The following RABEP1 variants were observed in gnomAD, a reference collection of about 807,000 sequenced individuals.
RABEP1 encodes the protein rab GTPase-binding effector protein 1.
RABEP1 carries 51 observed loss-of-function variants against 123.4 expected under a neutral mutation model. The ratio of observed to expected loss-of-function variants is 0.41; its 90% CI spans 0.33 to 0.52. The LOEUF (loss-of-function observed/expected upper bound fraction) is 0.52, where lower values mean the gene tolerates loss of function less well. Among genes scored for constraint, RABEP1 ranks in the 20% least tolerant of loss-of-function variants. The pLI is 0.16. For synonymous variants in RABEP1, 347 were observed against 355.2 expected, an observed-to-expected ratio of 0.98 and a Z score of 0.26; for missense variants, 888 against 996.3, an observed-to-expected ratio of 0.89 and a Z score of 1.46.
rs967561608 is a variant in RABEP1 at position 5,385,091 on chromosome 17, G to A, written c.*1868G>A. The A allele has an allele frequency of 4.4e-6, 1 of 229,426 alleles. No homozygotes were observed. The highest frequency in any genetic ancestry group is 2.2e-5 in the African/African-American group (1 of 45,152). 14.2% of individuals were successfully genotyped at this position (229,426 alleles called of 1,614,324 possible). A position where few individuals can be genotyped will look rare whatever the true frequency, so the allele number is the denominator to read the frequency against. ...CTGGGTAATAAAATCATCACAATTA[G>A]GGAATGGTTAGTGGTCTCTACTGTG... On this transcript the variant is annotated 3_prime_UTR_variant, in exon 18 of 18. Transcript: ENST00000537505.
chr17:5,338,253 A>G, intron 5 of RABEP1, 115 bp downstream of exon 5: 5 of 1,306,046 alleles, frequency 3.8e-6, no homozygotes, highest in Non-Finnish European at 5.1e-6. Context: ...ATGCATCTTA[A>G]GAATCTTTCT....
intron 2 of RABEP1, among the ~76,000 whole-genome samples, chr17:5,313,998 T>C (rs2075270031): frequency 6.6e-6 from 1 of 152,176 alleles, no homozygotes; most frequent in Admixed American, 6.5e-5. Flanking sequence ...GTTTACAGTA[T>C]AAACCAGGAT....
intron 10 of RABEP1, 108 bp downstream of exon 10, chr17:5,363,124 T>C: frequency 1.3e-6 from 1 of 781,786 alleles, no homozygotes; most frequent in Non-Finnish European, 2.2e-6. Context: ...ATGAAGCATA[T>C]CCATCTTGTT....
intron 1 of RABEP1, among the ~76,000 whole-genome samples, chr17:5,303,458 T>C (rs912928712): frequency 2.0e-5 from 3 of 152,084 alleles, no homozygotes; most frequent in Non-Finnish European, 4.4e-5. Context: ...ACCAGGTTGG[T>C]CTTGAACTCC....
chr17:5,353,732 C>G (rs991929341), intron 7 of RABEP1, among the ~76,000 whole-genome samples: 1 of 152,022 alleles, frequency 6.6e-6, no homozygotes, highest in Non-Finnish European at 1.5e-5. Context: ...GCCTGTGATC[C>G]CGGCTACACG....
intron 1 of RABEP1, among the ~76,000 whole-genome samples, chr17:5,302,568 T>C (rs2075145405): frequency 6.6e-6 from 1 of 150,914 alleles, no homozygotes; most frequent in Admixed American, 6.6e-5. Context: ...AAAGTTACCT[T>C]ATAAGCTTTT....
At chr17:5,283,370 A>T (rs1309193867) in intron 1 of RABEP1, among the ~76,000 whole-genome samples, 1 of 151,928 alleles carries the variant, frequency 6.6e-6, no homozygotes, top group Non-Finnish European at 1.5e-5. Flanking sequence ...AAAGGGCCCC[A>T]TCCTAAATAA....
chr17:5,368,617 C>T lies in RABEP1; in HGVS notation c.1884+149C>T, dbSNP rs185840710. ...GGGACTGTAGAACATTAATAATGGACAAAATATTGTAAAGACATTATTCCT... is the reference window on the plus strand; with the variant it reads ...GGGACTGTAGAACATTAATAATGGATAAAATATTGTAAAGACATTATTCCT... On this transcript the variant is annotated intron_variant, in intron 12 of 17. Transcript: ENST00000537505. 3 of 564,912 alleles carry T rather than the reference C, an allele frequency of 5.3e-6. No individual in the cohort carries two copies. The East Asian group carries it at 8.7e-5, about 16-fold the overall frequency. 35.0% of individuals were successfully genotyped at this position (564,912 alleles called of 1,614,324 possible).
At chr17:5,349,175 T>C (rs1908314474) in intron 6 of RABEP1, among the ~76,000 whole-genome samples, 2 of 152,234 alleles carry the variant, frequency 1.3e-5, no homozygotes, top group African/African-American at 4.8e-5. Flanking sequence ...TGAAGGGTTT[T>C]AGACTGGAGA....
At position 5,383,255 on chromosome 17, in the gene RABEP1, T is replaced by A. The variant is rs960493098; in HGVS notation, c.*32T>A. ...CATGGCAGGATTCTAGCCTGCACTT[T>A]GGGTTTTTAACTCATCTTTAGAGCA... On this transcript the variant is annotated 3_prime_UTR_variant, in exon 18 of 18. Transcript: ENST00000537505. 1.9e-6 allele frequency: 3 copies of A among 1,574,512 alleles called. No homozygotes were observed. Among genetic ancestry groups the A allele is most frequent in the Non-Finnish European group, 2.6e-6 (3 of 1,144,332 alleles).
intron 2 of RABEP1, among the ~76,000 whole-genome samples, chr17:5,325,750 A>G (rs969355832): frequency 6.6e-6 from 1 of 152,100 alleles, no homozygotes; most frequent in South Asian, 2.1e-4. Flanking sequence ...ATTTAGGGTG[A>G]TAGATACCCG....
chr17:5,320,421 C>CAAAAAAAA (rs60202531), intron 2 of RABEP1, among the ~76,000 whole-genome samples: 90 of 84,606 alleles, frequency 1.1e-3, no homozygotes, highest in African/African-American at 1.5e-3. Flanking sequence ...GCTAACACAC[C>CAAAAAAAA]AAAAAAAAAA....
At chr17:5,360,561 C>G (rs1909424301) in intron 8 of RABEP1, among the ~76,000 whole-genome samples, 1 of 152,192 alleles carries the variant, frequency 6.6e-6, no homozygotes. Flanking sequence ...GACTCCGTCT[C>G]AGAAAAAAAG....
chr17:5,297,577 A>G (rs946866222), intron 1 of RABEP1, among the ~76,000 whole-genome samples: 13 of 152,184 alleles, frequency 8.5e-5, no homozygotes, highest in African/African-American at 2.7e-4. Flanking sequence ...GCTTAATCTT[A>G]GAATGTTTCT....
intron 1 of RABEP1, among the ~76,000 whole-genome samples, chr17:5,290,301 G>A (rs1050036654): frequency 2.6e-5 from 4 of 152,164 alleles, no homozygotes. Context: ...TGTTAGCCAG[G>A]ATGGTCTCGC....
intron 2 of RABEP1, among the ~76,000 whole-genome samples, chr17:5,309,575 C>T (rs1448236526): frequency 2.6e-5 from 4 of 151,690 alleles, no homozygotes; most frequent in Non-Finnish European, 5.9e-5. Context: ...ATTGCTTGAA[C>T]CCAGGAGGCA....
In RABEP1 at chr17:5,375,408, G is replaced by A. The variant is rs118001224; in HGVS notation, c.2026-1708G>A. Among the ~76,000 whole-genome samples the A allele has an allele frequency of 6.8e-3, 1,028 of 152,122 alleles. 9 individuals carry two copies. The highest frequency in any genetic ancestry group is 0.031 in the Middle Eastern group (9 of 294). ...CTGCTGTCATCAAAAGAAGGTATCG[G>A]GGGCAGGGTATGGTGGCTGAGGCCT... On this transcript the variant is annotated intron_variant, in intron 13 of 17. Transcript: ENST00000537505.
At chr17:5,358,748 G>C (rs542445494) in intron 8 of RABEP1, among the ~76,000 whole-genome samples, 1 of 152,054 alleles carries the variant, frequency 6.6e-6, no homozygotes, top group East Asian at 1.9e-4. Context: ...GTAGTCTGAT[G>C]TGGGGTCTTT....
chr17:5,373,357 T>G lies in RABEP1; in HGVS notation c.1928T>G (p.Val643Gly). 6.2e-7 allele frequency: 1 copy of G among 1,613,058 alleles called. No homozygotes were observed. Among genetic ancestry groups the G allele is most frequent in the South Asian group, 1.1e-5 (1 of 90,974 alleles). ...CGGGAACAGGTTTCAGAAGAGCTGG[T>G]GAGGTTACAGAAAGATAATGACAGT... ...QSREQVSEEL[V>G]RLQKDNDSLQ... Residue 643 changes from valine (V) to glycine (G), a missense_variant, in exon 13 of 18, where the codon GTG becomes GGG. By Grantham distance (109) the Val-to-Gly change is moderately radical. Transcript: ENST00000537505.
Sources: allele counts gnomAD v4.1 joint callset (sites outside exome capture counted in the v4.1 genomes callset), GRCh38; gene constraint gnomAD v4.1.1; transcripts MANE v1.5; gene names NCBI Gene and HGNC (gene_info 2026-07-23, HGNC 2026-07-21).